Variants in CSMD1 observed in about 807,000 individuals in gnomAD.
CSMD1 encodes the protein CUB and sushi domain-containing protein 1.
A neutral mutation model predicts 417.5 loss-of-function variants in CSMD1; 213 were observed. The ratio of observed to expected loss-of-function variants is 0.51; its 90% CI spans 0.46 to 0.57. The LOEUF is 0.57. Ranked by LOEUF, CSMD1 falls within the 20% of genes least tolerant of loss-of-function variation. CSMD1 has a pLI of 0.00. For synonymous variants in CSMD1, 2,862 were observed against 1,736.8 expected, an observed-to-expected ratio of 1.65 and a Z score of -16.11; for missense variants, 6,923 against 4,529.7, an observed-to-expected ratio of 1.53 and a Z score of -15.17.
At chr8:4,050,672 A>G (rs1262319184) in intron 3 of CSMD1, among the ~76,000 whole-genome samples, 1 of 152,054 alleles carries the variant, frequency 6.6e-6, no homozygotes, top group East Asian at 1.9e-4. Context: ...TTTTGGACCC[A>G]TTACACATCC....
chr8:4,326,706 G>A (rs954879512), intron 3 of CSMD1, among the ~76,000 whole-genome samples: 3 of 152,112 alleles, frequency 2.0e-5, no homozygotes, highest in Admixed American at 6.6e-5. Flanking sequence ...GAAACATTCC[G>A]TTTGGGTAAC....
At chr8:3,672,659 G>A (rs536743079) in intron 7 of CSMD1, among the ~76,000 whole-genome samples, 1 of 152,208 alleles carries the variant, frequency 6.6e-6, no homozygotes, top group South Asian at 2.1e-4. Context: ...ACATGGTGCA[G>A]TGTCACTGGG....
At chr8:4,380,023 G>C (rs1803000952) in intron 3 of CSMD1, among the ~76,000 whole-genome samples, 1 of 152,110 alleles carries the variant, frequency 6.6e-6, no homozygotes, top group African/African-American at 2.4e-5. Context: ...ACTCAATGTG[G>C]GTAGCCCAAG....
intron 5 of CSMD1, among the ~76,000 whole-genome samples, chr8:3,866,998 C>A (rs1193066445): frequency 6.6e-6 from 1 of 152,172 alleles, no homozygotes; most frequent in East Asian, 1.9e-4. Flanking sequence ...AGTGGTGAGT[C>A]AGCCAATATT....
At position 3,829,445 on chromosome 8, in the gene CSMD1, T is replaced by C. The variant is rs530028972; in HGVS notation, c.819-75403A>G. 2.6e-5 allele frequency among the ~76,000 whole-genome samples: 4 copies of C among 152,200 alleles called. No individual in the cohort carries two copies. In the East Asian group the frequency reaches 7.7e-4, roughly 29 times the overall value. On this transcript the variant is annotated intron_variant, in intron 5 of 69. Transcript: ENST00000635120. ...TAAGTCAATACCGGTTCCACATGAATTCAGGTTATCTGCAGAGCCCTTGCC... is the reference window on the plus strand; with the variant it reads ...TAAGTCAATACCGGTTCCACATGAACTCAGGTTATCTGCAGAGCCCTTGCC...
intron 12 of CSMD1, among the ~76,000 whole-genome samples, chr8:3,444,265 T>C (rs1345608312): frequency 6.6e-6 from 1 of 152,178 alleles, no homozygotes; most frequent in Non-Finnish European, 1.5e-5. Flanking sequence ...ACAAGATAAA[T>C]TTGGAATGGT....
intron 3 of CSMD1, among the ~76,000 whole-genome samples, chr8:4,406,236 G>C (rs1805010796): frequency 6.6e-6 from 1 of 152,062 alleles, no homozygotes; most frequent in Non-Finnish European, 1.5e-5. Flanking sequence ...CCCCCCAAAT[G>C]GTGCAAGTGG....
rs374487863 is a variant in CSMD1 at position 3,151,464 on chromosome 8, G to A, written c.5964C>T (p.Pro1988=). 195 of 1,613,556 alleles carry A rather than the reference G, an allele frequency of 1.2e-4. No individual in the cohort carries two copies. The highest frequency in any genetic ancestry group is 6.6e-4 in the Middle Eastern group (4 of 6,082). The change falls in exon 40 of 70, where the codon CCC becomes CCT. Residue 1988 remains proline, a synonymous_variant. Coordinates refer to ENST00000635120, the MANE Select transcript of CSMD1 (RefSeq NM_033225.6). The stretch of plus-strand genomic sequence containing the variant: ...TGTTGGGGTAAGAACCTGGGAAGCC[G>A]GGGCTCAGGATCACACCACCCAAGG... ...LSTLGGVILS[P]GFPGSYPNNL... is the part of the protein sequence containing the mutation.
intron 26 of CSMD1, among the ~76,000 whole-genome samples, chr8:3,270,106 G>C (rs922575399): frequency 7.6e-6 from 1 of 131,560 alleles, no homozygotes; most frequent in Non-Finnish European, 1.6e-5. Flanking sequence ...GCGAAGTACA[G>C]TGGCACTGTC....
At chr8:3,507,809 G>C (rs1796893224) in intron 10 of CSMD1, among the ~76,000 whole-genome samples, 1 of 152,108 alleles carries the variant, frequency 6.6e-6, no homozygotes, top group Non-Finnish European at 1.5e-5. Flanking sequence ...GTCTTCTTTT[G>C]AGAAATATCT....
intron 3 of CSMD1, among the ~76,000 whole-genome samples, chr8:4,282,539 A>C (rs537569420): frequency 2.4e-4 from 36 of 152,188 alleles, no homozygotes; most frequent in Non-Finnish European, 4.4e-4. Flanking sequence ...ACTAATGTGT[A>C]ATGTGTTTTT....
rs562228125 is a variant in CSMD1 at position 4,680,603 on chromosome 8, CAG to C, written c.86-43047_86-43046del. Among the ~76,000 whole-genome samples, 512 of 152,200 alleles carry C rather than the reference CAG, an allele frequency of 3.4e-3. 2 individuals carry two copies. Among genetic ancestry groups the C allele is most frequent in the Admixed American group, 8.0e-3 (122 of 15,284 alleles). Reference sequence around the variant, plus strand: ...ATAGTTTTTGTGTTTGTTTTTGTGACAGAGTCTTCCTCTGTTGCCAGGCTGGA... The same window carrying C: ...ATAGTTTTTGTGTTTGTTTTTGTGACAGTCTTCCTCTGTTGCCAGGCTGGA... On this transcript the variant is annotated intron_variant, in intron 1 of 69. Coordinates refer to ENST00000635120, the MANE Select transcript of CSMD1 (RefSeq NM_033225.6).
intron 5 of CSMD1, among the ~76,000 whole-genome samples, chr8:3,983,734 C>G (rs1191166770): frequency 6.6e-6 from 1 of 152,188 alleles, no homozygotes; most frequent in Non-Finnish European, 1.5e-5. Flanking sequence ...TTAGATGTTC[C>G]CCTAGTCTGG....
chr8:4,638,600 C>G (rs1802992446), intron 1 of CSMD1, among the ~76,000 whole-genome samples: 1 of 151,994 alleles, frequency 6.6e-6, no homozygotes, highest in African/African-American at 2.4e-5. Context: ...AATGAGGGGA[C>G]CAAGTAAAGA....
At chr8:2,989,871 A>G (rs1220373403) in intron 54 of CSMD1, among the ~76,000 whole-genome samples, 2 of 152,204 alleles carry the variant, frequency 1.3e-5, no homozygotes, top group Non-Finnish European at 2.9e-5. Flanking sequence ...CTTCCTAGCT[A>G]GCAAACTCCT....
chr8:4,887,691 T>A (rs1161090783), intron 1 of CSMD1, among the ~76,000 whole-genome samples: 3 of 152,060 alleles, frequency 2.0e-5, no homozygotes, highest in Non-Finnish European at 4.4e-5. Flanking sequence ...ATTTATTTAT[T>A]TGCTTTATTT....
rs561767929 is a variant in CSMD1, at chr8:2,942,527, C to T, written c.10480G>A (p.Val3494Ile). Residue 3494 changes from valine to isoleucine, a missense_variant, in exon 69 of 70, where the codon GTT (valine) becomes ATT (isoleucine). Val to Ile is a conservative substitution (Grantham distance 29, BLOSUM62 3). Transcript: ENST00000635120. ...GATAAAATTAGAGCAAAGAAAGGAA[C>T]CAGAATGGCAGCCGCCACAGAGCCA... ...SSGSVAAAIL[V>I]PFFALILSGF... is the part of the protein sequence containing the mutation. The T allele has an allele frequency of 1.2e-6, 2 of 1,611,104 alleles. No individual in the cohort carries two copies. Among genetic ancestry groups the T allele is most frequent in the East Asian group, 2.2e-5 (1 of 44,788 alleles).
intron 10 of CSMD1, 37 bp from the exon 11 acceptor site, chr8:3,493,763 A>G: frequency 1.3e-6 from 2 of 1,541,354 alleles, no homozygotes; most frequent in Non-Finnish European, 1.8e-6. Context: ...TTAGAACAAC[A>G]GGTACTTCCC....
chr8:4,393,454 T>A (rs1458273215), intron 3 of CSMD1, among the ~76,000 whole-genome samples: 2 of 152,172 alleles, frequency 1.3e-5, no homozygotes, highest in Non-Finnish European at 2.9e-5. Flanking sequence ...TTTATGAATA[T>A]CACATGCATG....
Sources: allele counts gnomAD v4.1 joint callset (sites outside exome capture counted in the v4.1 genomes callset), GRCh38; gene constraint gnomAD v4.1.1; transcripts MANE v1.5; gene names NCBI Gene and HGNC (gene_info 2026-07-23, HGNC 2026-07-21).